Variants in CFAP69 observed in about 807,000 individuals in gnomAD.
CFAP69 encodes the protein cilia and flagella associated protein 69.
CFAP69 carries 92 observed loss-of-function variants against 123.0 expected under a neutral mutation model. The ratio of observed to expected loss-of-function variants is 0.75; its 90% CI spans 0.63 to 0.89. CFAP69 has a LOEUF of 0.89. Among genes scored for constraint, CFAP69 ranks in the 40% least tolerant of loss-of-function variants. CFAP69 has a pLI of 0.00. For synonymous variants in CFAP69, 380 were observed against 364.3 expected, an observed-to-expected ratio of 1.04 and a Z score of -0.49; for missense variants, 1,067 against 1,096.9, an observed-to-expected ratio of 0.97 and a Z score of 0.39.
chr7:90,271,454 A>C (rs879239138), intron 6 of CFAP69, 72 bp from the exon 7 acceptor site: 230 of 1,442,838 alleles, frequency 1.6e-4, no homozygotes, highest in Non-Finnish European at 1.7e-4. Context: ...TTAATAATAA[A>C]TTACTCATTC....
At chr7:90,293,988 G>A (rs140817436) in intron 15 of CFAP69, among the ~76,000 whole-genome samples, 169 of 152,292 alleles carry the variant, frequency 1.1e-3, no homozygotes, top group African/African-American at 3.9e-3. Context: ...CATAGACTAT[G>A]ACATGCTTAG....
chr7:90,283,025 T>G lies in CFAP69; in HGVS notation c.1506T>G (p.Leu502=). Residue 502 remains leucine (L), a synonymous_variant, in exon 13 of 23, where the codon CTT becomes CTG. Coordinates refer to ENST00000389297, the MANE Select transcript of CFAP69 (RefSeq NM_001039706.3). The part of the protein sequence containing the change: ...YLEDETVNKD[L]CEKGTIQQMI... ...AAGATGAGACTGTAAACAAAGATCTTTGTGAAAAGGGAACAATTCAGCAAA... is the reference window on the plus strand; with the variant it reads ...AAGATGAGACTGTAAACAAAGATCTGTGTGAAAAGGGAACAATTCAGCAAA... 6.3e-7 allele frequency: 1 copy of G among 1,576,778 alleles called. No individual in the cohort carries two copies. The highest frequency in any genetic ancestry group is 8.6e-7 in the Non-Finnish European group (1 of 1,163,706).
At chr7:90,262,612 A>C (rs187329542) in intron 4 of CFAP69, among the ~76,000 whole-genome samples, 5 of 152,226 alleles carry the variant, frequency 3.3e-5, no homozygotes, top group Admixed American at 2.6e-4. Flanking sequence ...AACTGAGTAT[A>C]TGGTGCTTCC....
chr7:90,323,432 T>C, the CFAP69 span, among the ~76,000 whole-genome samples: 1 of 152,186 alleles, frequency 6.6e-6, no homozygotes, highest in East Asian at 1.9e-4. Context: ...GTTTAGGCTT[T>C]ATTAAAACTG....
intron 14 of CFAP69, chr7:90,287,682 T>G: frequency 1.0e-6 from 1 of 985,544 alleles, no homozygotes; most frequent in Non-Finnish European, 1.2e-6. Context: ...GTGCCTGGGC[T>G]CCTCTGGAAA....
chr7:90,280,223 G>T (rs190411351), intron 12 of CFAP69, among the ~76,000 whole-genome samples: 11 of 152,052 alleles, frequency 7.2e-5, no homozygotes. Context: ...GTTGAGACAG[G>T]GTCTCACCCT....
intron 3 of CFAP69, among the ~76,000 whole-genome samples, chr7:90,258,664 G>A (rs189983360): frequency 8.3e-4 from 127 of 152,186 alleles, no homozygotes; most frequent in African/African-American, 2.8e-3. Flanking sequence ...CAGGTTCCAG[G>A]AATTAGGACA....
intron 13 of CFAP69, among the ~76,000 whole-genome samples, chr7:90,285,826 C>T (rs891595612): frequency 6.6e-6 from 1 of 152,172 alleles, no homozygotes; most frequent in African/African-American, 2.4e-5. Context: ...TTGGGGCATC[C>T]TTTAATGACA....
intron 8 of CFAP69, among the ~76,000 whole-genome samples, chr7:90,273,275 C>A (rs545302501): frequency 6.6e-6 from 1 of 152,250 alleles, no homozygotes; most frequent in Non-Finnish European, 1.5e-5. Context: ...AAGGAACAGG[C>A]TACAATGGTG....
At chr7:90,314,971 T>A (rs181618719), downstream of CFAP69, among the ~76,000 whole-genome samples, 12 of 152,094 alleles carry the variant, frequency 7.9e-5, no homozygotes, top group Admixed American at 2.0e-4. Context: ...TTTCAAAAGA[T>A]GTCATACATG....
At chr7:90,294,893 G>A (rs984569952) in intron 15 of CFAP69, among the ~76,000 whole-genome samples, 5 of 152,168 alleles carry the variant, frequency 3.3e-5, no homozygotes, top group African/African-American at 1.2e-4. Context: ...AGAGGGGAAG[G>A]GAAGGGAAAA....
chr7:90,286,960 C>T (rs1029769093), intron 14 of CFAP69, among the ~76,000 whole-genome samples: 7 of 145,498 alleles, frequency 4.8e-5, no homozygotes, highest in Admixed American at 2.1e-4. Context: ...TTGTGGTGTG[C>T]GCCTGTAATC....
intron 13 of CFAP69, among the ~76,000 whole-genome samples, chr7:90,285,762 T>C (rs1790181223): frequency 6.6e-6 from 1 of 152,224 alleles, no homozygotes; most frequent in Non-Finnish European, 1.5e-5. Flanking sequence ...ATTTCCTACC[T>C]CATGAAACTC....
chr7:90,311,988 A>C (rs1794381324), downstream of CFAP69, among the ~76,000 whole-genome samples: 1 of 152,374 alleles, frequency 6.6e-6, no homozygotes, highest in East Asian at 1.9e-4. Context: ...GATACATCTT[A>C]GGTACACTTG....
intron 15 of CFAP69, among the ~76,000 whole-genome samples, chr7:90,294,929 G>T (rs1302617704): frequency 6.6e-6 from 1 of 152,226 alleles, no homozygotes; most frequent in Non-Finnish European, 1.5e-5. Context: ...GCTTTTGGCA[G>T]TGTGGGGAAG....
intron 5 of CFAP69, 69 bp downstream of exon 5, chr7:90,265,446 A>G (rs577935736): frequency 5.2e-5 from 55 of 1,062,980 alleles, no homozygotes; most frequent in East Asian, 1.3e-4. Flanking sequence ...GGGAATATCT[A>G]TTTTCCCCAA....
chr7:90,257,972 C>A, intron 2 of CFAP69, 126 bp from the exon 3 acceptor site: 35 of 607,404 alleles, frequency 5.8e-5, no homozygotes, highest in Middle Eastern at 4.5e-4. Flanking sequence ...ATAACGTTTA[C>A]ATTATAATAT....
Position 90,311,038 on chromosome 7 carries a change from A to G in CFAP69, c.*800A>G, listed in dbSNP as rs1794281958. On this transcript the variant is annotated 3_prime_UTR_variant, in exon 23 of 23. Coordinates refer to ENST00000389297, the MANE Select transcript of CFAP69 (RefSeq NM_001039706.3). ...AAATGCAGCTGGTTTTACTCTTAATATATAAATATACAAAGCAAACTCTAA... is the reference window on the plus strand; with the variant it reads ...AAATGCAGCTGGTTTTACTCTTAATGTATAAATATACAAAGCAAACTCTAA... 1 of 152,224 alleles carries G rather than the reference A, an allele frequency of 6.6e-6. No individual in the cohort carries two copies. Among genetic ancestry groups the G allele is most frequent in the Admixed American group, 6.5e-5 (1 of 15,276 alleles). 9.4% of individuals were successfully genotyped at this position (152,224 alleles called of 1,614,324 possible).
the CFAP69 span, chr7:90,322,565 G>T: frequency 6.6e-6 from 1 of 152,150 alleles, no homozygotes; most frequent in African/African-American, 2.4e-5. Flanking sequence ...CTTCTAAAAT[G>T]AATTGGCTCA....
Sources: gnomAD v4.1 joint callset for allele counts (sites outside exome capture counted in the v4.1 genomes callset) on GRCh38, gnomAD v4.1.1 for gene constraint, MANE v1.5 for transcripts, NCBI Gene and HGNC (gene_info 2026-07-23, HGNC 2026-07-21) for gene names.